The following GOLPH3L variants were observed in gnomAD, a reference collection of about 807,000 sequenced individuals.
GOLPH3L encodes Golgi phosphoprotein 3-like.
In GOLPH3L, 22 loss-of-function variants were observed where a neutral mutation model predicts 30.3. The ratio of observed to expected loss-of-function variants is 0.73; its 90% CI spans 0.52 to 1.04. GOLPH3L has a LOEUF of 1.04. Ranked by LOEUF, GOLPH3L falls within the 50% of genes least tolerant of loss-of-function variation. The pLI is 0.00. For synonymous variants in GOLPH3L, 120 were observed against 128.2 expected, an observed-to-expected ratio of 0.94 and a Z score of 0.43; for missense variants, 303 against 345.8, an observed-to-expected ratio of 0.88 and a Z score of 0.98.
At chr1:150,653,285 T>TC (rs1324163390) in intron 4 of GOLPH3L, among the ~76,000 whole-genome samples, 1 of 125,274 alleles carries the variant, frequency 8.0e-6, no homozygotes, top group Non-Finnish European at 1.7e-5. Context: ...TTGGTATAAA[T>TC]CTTTTTTTTT....
chr1:150,663,673 C>G lies in GOLPH3L; in HGVS notation c.274G>C (p.Glu92Gln). The change falls in exon 3 of 5, where the codon GAA becomes CAA. Residue 92 changes from glutamate (E) to glutamine (Q), a missense_variant. Transcript: ENST00000271732. ...CGCTTCTTACGCATGGTCGGGGGTTCCAGATAGATTCGACCCCGCATGGCC... is the reference window on the plus strand; with the variant it reads ...CGCTTCTTACGCATGGTCGGGGGTTGCAGATAGATTCGACCCCGCATGGCC... ...ELAMRGRIYL[E>Q]PPTMRKKRLL... The G allele has an allele frequency of 6.2e-7, 1 of 1,613,864 alleles. No individual in the cohort carries two copies. The highest frequency in any genetic ancestry group is 8.5e-7 in the Non-Finnish European group (1 of 1,179,818).
At chr1:150,657,428 C>G (rs1475312599) in intron 4 of GOLPH3L, among the ~76,000 whole-genome samples, 3 of 152,190 alleles carry the variant, frequency 2.0e-5, no homozygotes, top group African/African-American at 7.2e-5. Context: ...TGGTATATTC[C>G]TCATCTTTTA....
intron 2 of GOLPH3L, among the ~76,000 whole-genome samples, chr1:150,674,364 G>C (rs151256246): frequency 6.6e-6 from 1 of 151,550 alleles, no homozygotes; most frequent in African/African-American, 2.4e-5. Context: ...GGGCTCAAGC[G>C]ATTCTCCTGC....
At chr1:150,690,973 A>G (rs1651195450) in intron 2 of GOLPH3L, among the ~76,000 whole-genome samples, 1 of 152,226 alleles carries the variant, frequency 6.6e-6, no homozygotes, top group East Asian at 1.9e-4. Context: ...TAAACAAAAC[A>G]AAGTAAAAAG....
At chr1:150,672,991 C>A (rs1260108745) in intron 2 of GOLPH3L, among the ~76,000 whole-genome samples, 1 of 151,496 alleles carries the variant, frequency 6.6e-6, no homozygotes, top group East Asian at 1.9e-4. Flanking sequence ...TTTTGCAGGG[C>A]TTCTGTTTTT....
chr1:150,665,280 T>C (rs1650471328), intron 2 of GOLPH3L, among the ~76,000 whole-genome samples: 1 of 152,112 alleles, frequency 6.6e-6, no homozygotes, highest in African/African-American at 2.4e-5. Flanking sequence ...GTTGTTTTTT[T>C]GGTGGTGTTT....
intron 4 of GOLPH3L, among the ~76,000 whole-genome samples, 175 bp downstream of exon 4, chr1:150,661,639 T>C (rs1571038444): frequency 6.6e-6 from 1 of 152,312 alleles, no homozygotes; most frequent in African/African-American, 2.4e-5. Flanking sequence ...AGGTGAAGCT[T>C]TGGAAAACTT....
intron 4 of GOLPH3L, among the ~76,000 whole-genome samples, chr1:150,659,621 T>C (rs1416805421): frequency 6.6e-6 from 1 of 152,170 alleles, no homozygotes; most frequent in East Asian, 1.9e-4. Context: ...GTGAGACCCC[T>C]GATTTCCCAC....
intron 2 of GOLPH3L, among the ~76,000 whole-genome samples, chr1:150,692,492 C>T (rs947554673): frequency 3.0e-4 from 45 of 152,168 alleles, no homozygotes; most frequent in African/African-American, 1.1e-3. Context: ...CTTAAGCCAT[C>T]CTCTTGACTC....
intron 4 of GOLPH3L, among the ~76,000 whole-genome samples, chr1:150,655,622 T>C (rs1241227433): frequency 6.6e-6 from 1 of 152,180 alleles, no homozygotes; most frequent in Non-Finnish European, 1.5e-5. Context: ...TTTAAAATGG[T>C]TAACAGATAA....
intron 2 of GOLPH3L, among the ~76,000 whole-genome samples, chr1:150,687,991 AT>A (rs1651127334): frequency 6.6e-6 from 1 of 152,248 alleles, no homozygotes; most frequent in African/African-American, 2.4e-5. Flanking sequence ...AAAAGAATAC[AT>A]TAAAATATTA....
At chr1:150,655,759 C>G (rs1230025220) in intron 4 of GOLPH3L, among the ~76,000 whole-genome samples, 11 of 152,086 alleles carry the variant, frequency 7.2e-5, no homozygotes, top group Admixed American at 7.2e-4. Flanking sequence ...CCAGTTTTCG[C>G]AATTAAGAAA....
intron 2 of GOLPH3L, among the ~76,000 whole-genome samples, chr1:150,670,553 T>C (rs11807238): frequency 0.39 from 58,379 of 150,534 alleles, 11,522 homozygotes; most frequent in South Asian, 0.55. Context: ...GCCGAGATTG[T>C]GCCACTGCAC....
chr1:150,663,182 C>T (rs1237450126), intron 3 of GOLPH3L, among the ~76,000 whole-genome samples: 2 of 151,954 alleles, frequency 1.3e-5, no homozygotes, highest in Admixed American at 1.3e-4. Context: ...CTACAGGCGC[C>T]CGCCACAATG....
chr1:150,676,216 C>G (rs1398059274), intron 2 of GOLPH3L, among the ~76,000 whole-genome samples: 1 of 152,072 alleles, frequency 6.6e-6, no homozygotes, highest in Non-Finnish European at 1.5e-5. Context: ...TCAGGTGATG[C>G]TCCTGCCTTG....
At chr1:150,686,497 C>T (rs587744971) in intron 2 of GOLPH3L, among the ~76,000 whole-genome samples, 11 of 152,286 alleles carry the variant, frequency 7.2e-5, no homozygotes, top group South Asian at 2.1e-4. Flanking sequence ...TGAAACACCA[C>T]GCCCAGTTGC....
intron 2 of GOLPH3L, among the ~76,000 whole-genome samples, chr1:150,688,680 G>A (rs1283833701): frequency 2.0e-5 from 3 of 152,170 alleles, no homozygotes; most frequent in Admixed American, 6.5e-5. Flanking sequence ...GAATCCGGGA[G>A]GTGGAGGTTG....
At chr1:150,684,270 T>C (rs1043271057) in intron 2 of GOLPH3L, among the ~76,000 whole-genome samples, 2 of 152,240 alleles carry the variant, frequency 1.3e-5, no homozygotes, top group Non-Finnish European at 2.9e-5. Context: ...AGGGCATCTT[T>C]AGCAAACTAA....
At chr1:150,682,332 G>A (rs1174098662) in intron 2 of GOLPH3L, among the ~76,000 whole-genome samples, 2 of 151,572 alleles carry the variant, frequency 1.3e-5, no homozygotes, top group Non-Finnish European at 2.9e-5. Context: ...ATCCCAGTAA[G>A]TGTTCTCATG....
Sources: gnomAD v4.1 joint callset for allele counts (sites outside exome capture counted in the v4.1 genomes callset) on GRCh38, gnomAD v4.1.1 for gene constraint, MANE v1.5 for transcripts, NCBI Gene and HGNC (gene_info 2026-07-23, HGNC 2026-07-21) for gene names.